Variants in CCDC85C observed in about 807,000 individuals in gnomAD.
CCDC85C encodes the protein coiled-coil domain containing 85C, also known as coiled-coil domain-containing protein 85C.
In CCDC85C, 18 loss-of-function variants were observed where a neutral mutation model predicts 38.3. The ratio of observed to expected loss-of-function variants is 0.47; its 90% CI spans 0.33 to 0.70. The LOEUF is 0.70. CCDC85C is among the 30% of genes least tolerant of loss of function. CCDC85C has a pLI of 0.03. For synonymous variants in CCDC85C, 264 were observed against 293.8 expected, an observed-to-expected ratio of 0.90 and a Z score of 1.04; for missense variants, 566 against 621.2, an observed-to-expected ratio of 0.91 and a Z score of 0.94.
Position 99,510,654 on chromosome 14 carries a change from G to C in CCDC85C, c.*4592C>G. 7.1e-7 allele frequency: 1 copy of C among 1,403,566 alleles called. No homozygotes were observed. Among genetic ancestry groups the C allele is most frequent in the Non-Finnish European group, 9.3e-7 (1 of 1,079,738 alleles). 86.9% of individuals were successfully genotyped at this position (1,403,566 alleles called of 1,614,324 possible). The stretch of plus-strand genomic sequence containing the variant: ...CCCCCCTCATCCTCCTCCAGGGTTG[G>C]GCCTGCCGCCAGCCAGCTACCCACC... On this transcript the variant is annotated 3_prime_UTR_variant, in exon 6 of 6. Transcript: ENST00000380243.
chr14:99,507,770 T>G lies in CCDC85C; in HGVS notation c.*7476A>C, dbSNP rs1897012191. On this transcript the variant is annotated 3_prime_UTR_variant, in exon 6 of 6. Coordinates refer to ENST00000380243, the MANE Select transcript of CCDC85C (RefSeq NM_001144995.2). ...CGGCCGCCCCTACACCTGCTTCCTA[T>G]TGGCAGTGTGTCGTCTTAGTGCATT... 1 of 153,282 alleles carries G rather than the reference T, an allele frequency of 6.5e-6. No homozygotes were observed. Among genetic ancestry groups the G allele is most frequent in the South Asian group, 2.1e-4 (1 of 4,876 alleles). The allele number at this position is 153,282 out of a possible 1,614,324, so 9.5% of individuals were successfully genotyped here. A position where few individuals can be genotyped will look rare whatever the true frequency, so the allele number is the denominator to read the frequency against.
At chr14:99,524,021 C>T (rs1020659858) in intron 2 of CCDC85C, among the ~76,000 whole-genome samples, 1 of 126,524 alleles carries the variant, frequency 7.9e-6, no homozygotes, top group Non-Finnish European at 1.7e-5. Flanking sequence ...TGACACCCCT[C>T]CCCCCACCCC....
In CCDC85C at chr14:99,500,689, A is replaced by C; in HGVS notation, c.*14557T>G. The C allele has an allele frequency of 1.1e-6, 1 of 926,576 alleles. No homozygotes were observed. The allele number at this position is 926,576 out of a possible 1,614,324, so 57.4% of individuals were successfully genotyped here. ...TAACTTGAAGAGAGAATAAATAGAC[A>C]GGAAAGCTCACTTTTGTAATGCTGC... is the stretch of plus-strand genomic sequence containing the variant. On this transcript the variant is annotated 3_prime_UTR_variant, in exon 6 of 6. Coordinates refer to ENST00000380243, the MANE Select transcript of CCDC85C (RefSeq NM_001144995.2).
chr14:99,597,026 G>A (rs943627711), intron 1 of CCDC85C, among the ~76,000 whole-genome samples: 1 of 152,140 alleles, frequency 6.6e-6, no homozygotes, highest in Non-Finnish European at 1.5e-5. Context: ...CAGGACTTTG[G>A]AGCAGACTCA....
At chr14:99,595,681 A>T (rs964074475) in intron 1 of CCDC85C, among the ~76,000 whole-genome samples, 2 of 152,180 alleles carry the variant, frequency 1.3e-5, no homozygotes, top group Non-Finnish European at 2.9e-5. Context: ...CATGATGAAT[A>T]ATCACACCCA....
intron 1 of CCDC85C, among the ~76,000 whole-genome samples, chr14:99,570,080 G>A (rs1298628753): frequency 6.6e-6 from 1 of 152,052 alleles, no homozygotes; most frequent in African/African-American, 2.4e-5. Context: ...GGCTTGAAAT[G>A]TGCCCTCCTG....
At chr14:99,532,302 G>A (rs570030950) in intron 2 of CCDC85C, among the ~76,000 whole-genome samples, 23 of 152,286 alleles carry the variant, frequency 1.5e-4, no homozygotes, top group East Asian at 1.4e-3. Flanking sequence ...TCTTCCTGGC[G>A]CCTCCCTGAG....
chr14:99,509,939 C>T lies in CCDC85C; in HGVS notation c.*5307G>A, dbSNP rs879151147. 4 of 596,998 alleles carry T rather than the reference C, an allele frequency of 6.7e-6. No homozygotes were observed. In the South Asian group the frequency reaches 8.0e-5, roughly 12 times the overall value. The allele number at this position is 596,998 out of a possible 1,614,324, so 37.0% of individuals were successfully genotyped here. On this transcript the variant is annotated 3_prime_UTR_variant, in exon 6 of 6. Coordinates refer to ENST00000380243, the MANE Select transcript of CCDC85C (RefSeq NM_001144995.2). ...GGTCAGGGCTGAGGGAGGGAAAACC[C>T]CAGGTCGTCGCAGACAGGGTGGAGG...
chr14:99,584,126 C>A (rs1242591774), intron 1 of CCDC85C, among the ~76,000 whole-genome samples: 1 of 152,072 alleles, frequency 6.6e-6, no homozygotes, highest in Non-Finnish European at 1.5e-5. Context: ...TTGCTGGGCT[C>A]AAGAAATCCT....
chr14:99,601,610 G>C (rs1255106809), intron 1 of CCDC85C, among the ~76,000 whole-genome samples: 2 of 152,188 alleles, frequency 1.3e-5, no homozygotes, highest in Non-Finnish European at 2.9e-5. Context: ...CCGAGGCCCA[G>C]ATAACTGACC....
Position 99,597,856 on chromosome 14 carries a change from G to A in CCDC85C, c.793+5311C>T, listed in dbSNP as rs546566857. Among the ~76,000 whole-genome samples the A allele has an allele frequency of 2.4e-4, 37 of 152,308 alleles. 1 individual carries two copies. The South Asian group carries it at 7.5e-3, about 31-fold the overall frequency. On this transcript the variant is annotated intron_variant, in intron 1 of 5. Transcript: ENST00000380243. Reference sequence around the variant, plus strand: ...CAGGGGATCTCCCACTCCCACCCAGGGAAGGCAAATCCGCAGAGGCCAGGA... The same window carrying A: ...CAGGGGATCTCCCACTCCCACCCAGAGAAGGCAAATCCGCAGAGGCCAGGA...
At chr14:99,518,204 A>C (rs1250205112) in intron 3 of CCDC85C, among the ~76,000 whole-genome samples, 1 of 151,910 alleles carries the variant, frequency 6.6e-6, no homozygotes, top group Non-Finnish European at 1.5e-5. Flanking sequence ...GACCCTCAGG[A>C]CCTGGAACCC....
intron 1 of CCDC85C, among the ~76,000 whole-genome samples, chr14:99,571,920 C>T (rs1898353781): frequency 6.6e-6 from 1 of 152,192 alleles, no homozygotes; most frequent in African/African-American, 2.4e-5. Flanking sequence ...CACACCTATC[C>T]AGCCTCCTGC....
At chr14:99,521,119 G>A (rs79884713) in intron 3 of CCDC85C, among the ~76,000 whole-genome samples, 2,348 of 152,290 alleles carry the variant, frequency 0.015, 33 homozygotes, top group Non-Finnish European at 0.024. Context: ...TCCCTCCCAC[G>A]ATCTGAATGA....
intron 1 of CCDC85C, among the ~76,000 whole-genome samples, chr14:99,538,032 C>T (rs1027067826): frequency 9.2e-5 from 14 of 152,212 alleles, no homozygotes; most frequent in South Asian, 6.2e-4. Context: ...AGGACAAGAA[C>T]GCACCAATGA....
At chr14:99,579,175 G>A (rs1307239784) in intron 1 of CCDC85C, among the ~76,000 whole-genome samples, 2 of 152,244 alleles carry the variant, frequency 1.3e-5, no homozygotes, top group East Asian at 3.8e-4. Context: ...CTGGGCTCCT[G>A]AGTGCCTTTT....
intron 1 of CCDC85C, among the ~76,000 whole-genome samples, chr14:99,546,775 A>G (rs11160524): frequency 0.14 from 20,752 of 152,150 alleles, 1,853 homozygotes; most frequent in South Asian, 0.25. Flanking sequence ...ACAGGGCTGC[A>G]GTAGCAACAA....
intron 1 of CCDC85C, among the ~76,000 whole-genome samples, chr14:99,594,345 TA>T (rs2055120664): frequency 6.6e-6 from 1 of 152,196 alleles, no homozygotes; most frequent in Non-Finnish European, 1.5e-5. Context: ...GGCAATCAGA[TA>T]GGGGAGGCAG....
chr14:99,510,640 C>T lies in CCDC85C; in HGVS notation c.*4606G>A. 2 of 1,412,338 alleles carry T rather than the reference C, an allele frequency of 1.4e-6. No homozygotes were observed. Among genetic ancestry groups the T allele is most frequent in the South Asian group, 1.5e-5 (1 of 66,392 alleles). 87.5% of individuals were successfully genotyped at this position (1,412,338 alleles called of 1,614,324 possible). A position where few individuals can be genotyped will look rare whatever the true frequency, so the allele number is the denominator to read the frequency against. ...CCTACCCACGCAGTCCCCCCTCATCCTCCTCCAGGGTTGGGCCTGCCGCCA... is the reference window on the plus strand; with the variant it reads ...CCTACCCACGCAGTCCCCCCTCATCTTCCTCCAGGGTTGGGCCTGCCGCCA... On this transcript the variant is annotated 3_prime_UTR_variant, in exon 6 of 6. Coordinates refer to ENST00000380243, the MANE Select transcript of CCDC85C (RefSeq NM_001144995.2).
Sources: allele counts gnomAD v4.1 joint callset (sites outside exome capture counted in the v4.1 genomes callset), GRCh38; gene constraint gnomAD v4.1.1; transcripts MANE v1.5; gene names NCBI Gene and HGNC (gene_info 2026-07-23, HGNC 2026-07-21).